Variants in MIX23 observed in about 807,000 individuals in gnomAD.
MIX23 encodes mitochondrial matrix import factor 23.
A neutral mutation model predicts 21.6 loss-of-function variants in MIX23; 13 were observed. The observed-to-expected ratio is 0.60, with a 90% CI of 0.39 to 0.96. The LOEUF (loss-of-function observed/expected upper bound fraction) is 0.96, where lower values mean the gene tolerates loss of function less well. Among genes scored for constraint, MIX23 ranks in the 40% least tolerant of loss-of-function variants. The pLI, the probability that MIX23 is intolerant of heterozygous loss-of-function variation, is 0.00. For synonymous variants in MIX23, 59 were observed against 58.0 expected (o/e 1.02, Z -0.08); for missense variants, 144 against 171.2 (o/e 0.84, Z 0.89).
intron 3 of MIX23, 63 bp downstream of exon 3, chr3:122,368,113 C>T (rs3749212): frequency 0.58 from 878,801 of 1,516,302 alleles, 256,785 homozygotes; most frequent in East Asian, 0.68. Flanking sequence ...TATTAAAAAT[C>T]TTACTTTGAA....
chr3:122,376,856 G>A (rs2075491439), intron 1 of MIX23, among the ~76,000 whole-genome samples: 1 of 152,080 alleles, frequency 6.6e-6, no homozygotes, highest in Non-Finnish European at 1.5e-5. Flanking sequence ...ATTACCTGTT[G>A]GGTACTATGT....
At chr3:122,380,523 C>T (rs1219134163) in intron 1 of MIX23, among the ~76,000 whole-genome samples, 3 of 152,118 alleles carry the variant, frequency 2.0e-5, no homozygotes, top group African/African-American at 7.2e-5. Context: ...ACTTATGTGT[C>T]AATGAATATT....
intron 1 of MIX23, among the ~76,000 whole-genome samples, chr3:122,379,552 T>C (rs985119159): frequency 2.0e-5 from 3 of 152,184 alleles, no homozygotes; most frequent in African/African-American, 7.2e-5. Context: ...GGATCATCCA[T>C]AAGGAATTAC....
chr3:122,359,976 G>T, intron 4 of MIX23, 57 bp from the exon 5 acceptor site: 1 of 1,494,286 alleles, frequency 6.7e-7, no homozygotes, highest in Non-Finnish European at 9.1e-7. Context: ...AATCAGGCCT[G>T]GAACTAAATT....
intron 2 of MIX23, among the ~76,000 whole-genome samples, chr3:122,368,641 C>G (rs547860964): frequency 1.3e-5 from 2 of 152,218 alleles, no homozygotes; most frequent in Non-Finnish European, 2.9e-5. Flanking sequence ...CCCTACACCA[C>G]TGACTTTCCC....
chr3:122,371,939 C>T (rs1352658658), intron 1 of MIX23, 139 bp from the exon 2 acceptor site: 1 of 660,906 alleles, frequency 1.5e-6, no homozygotes, highest in Non-Finnish European at 2.5e-6. Context: ...CAAATACATG[C>T]AACCATAAGA....
intron 1 of MIX23, among the ~76,000 whole-genome samples, chr3:122,375,996 T>C (rs1034863082): frequency 6.6e-6 from 1 of 151,894 alleles, no homozygotes; most frequent in African/African-American, 2.4e-5. Context: ...ACCCCATCTC[T>C]ACTAAAAATA....
At chr3:122,360,600 A>G (rs997179779) in intron 4 of MIX23, among the ~76,000 whole-genome samples, 1 of 152,140 alleles carries the variant, frequency 6.6e-6, no homozygotes, top group Non-Finnish European at 1.5e-5. Flanking sequence ...AAATTTTTAA[A>G]ACATTTTTAA....
chr3:122,364,838 C>T lies in MIX23; in HGVS notation c.325-1811G>A, dbSNP rs569821663. Among the ~76,000 whole-genome samples, 24 of 152,192 alleles carry T rather than the reference C, an allele frequency of 1.6e-4. 2 individuals carry two copies. The South Asian group carries it at 3.3e-3, about 21-fold the overall frequency. On this transcript the variant is annotated intron_variant, in intron 3 of 4. Coordinates refer to ENST00000291458, the MANE Select transcript of MIX23 (RefSeq NM_001017928.4). ...CTCTTACTTACATCCTTGAATCCTC[C>T]CCGCACATGCCCCCCAGAAATAAGA... is the stretch of plus-strand genomic sequence containing the variant.
At chr3:122,375,817 C>T (rs2058885884) in intron 1 of MIX23, among the ~76,000 whole-genome samples, 1 of 152,074 alleles carries the variant, frequency 6.6e-6, no homozygotes, top group African/African-American at 2.4e-5. Context: ...ACAGAACTAC[C>T]ATTTGACCCA....
chr3:122,373,132 C>A, intron 1 of MIX23: 1 of 323,662 alleles, frequency 3.1e-6, no homozygotes, highest in South Asian at 2.8e-5. Context: ...CCATTATCAA[C>A]ATTTTAATAT....
chr3:122,371,514 T>C (rs180852586), intron 2 of MIX23, among the ~76,000 whole-genome samples, 161 bp downstream of exon 2: 210 of 152,362 alleles, frequency 1.4e-3, no homozygotes, highest in African/African-American at 5.0e-3. Context: ...ACATTTTCTT[T>C]AATGTGTAGT....
At chr3:122,375,369 C>T (rs2075476962) in intron 1 of MIX23, among the ~76,000 whole-genome samples, 1 of 152,114 alleles carries the variant, frequency 6.6e-6, no homozygotes, top group Admixed American at 6.5e-5. Flanking sequence ...GTAGGAACAT[C>T]AAGAGTTGTA....
At chr3:122,376,803 G>T (rs981049815) in intron 1 of MIX23, among the ~76,000 whole-genome samples, 1 of 152,166 alleles carries the variant, frequency 6.6e-6, no homozygotes, top group Non-Finnish European at 1.5e-5. Flanking sequence ...AGACATTGGG[G>T]ACTCCAAAGG....
At chr3:122,371,995 A>G (rs535957974) in intron 1 of MIX23, among the ~76,000 whole-genome samples, 195 bp from the exon 2 acceptor site, 2 of 152,290 alleles carry the variant, frequency 1.3e-5, no homozygotes, top group East Asian at 3.9e-4. Flanking sequence ...TAATCCTAAC[A>G]GTGGGCACCA....
chr3:122,376,714 GA>G (rs1454494802), intron 1 of MIX23, among the ~76,000 whole-genome samples: 1 of 152,100 alleles, frequency 6.6e-6, no homozygotes, highest in Admixed American at 6.5e-5. Flanking sequence ...ACTCAAAACA[GA>G]AAATCAAATA....
chr3:122,370,379 C>T (rs2075431594), intron 2 of MIX23, among the ~76,000 whole-genome samples: 1 of 148,906 alleles, frequency 6.7e-6, no homozygotes. Flanking sequence ...ATCATTTGAA[C>T]CCAGGAGGTG....
rs1164237284 is a variant in MIX23 at position 122,363,027 on chromosome 3, A to G, written c.325T>C (p.Leu109=). Residue 109 remains leucine (L), a splice_region_variant and synonymous_variant, in exon 4 of 5, where the codon TTG becomes CTG. Coordinates refer to ENST00000291458, the MANE Select transcript of MIX23 (RefSeq NM_001017928.4). The part of the protein sequence containing the change: ...LKQLRKEQTK[L]KWMQSELNVE... Reference sequence around the variant, plus strand: ...TTCAGTTCTGACTGCATCCATTTCAACTGCAAGAAAAAAAAAAATTGAAGT... The same window carrying G: ...TTCAGTTCTGACTGCATCCATTTCAGCTGCAAGAAAAAAAAAAATTGAAGT... 1 of 1,605,098 alleles carries G rather than the reference A, an allele frequency of 6.2e-7. No individual in the cohort carries two copies. The highest frequency in any genetic ancestry group is 8.5e-7 in the Non-Finnish European group (1 of 1,176,382).
At chr3:122,381,554 C>T (rs1170046307) in intron 1 of MIX23, among the ~76,000 whole-genome samples, 1 of 151,826 alleles carries the variant, frequency 6.6e-6, no homozygotes, top group Non-Finnish European at 1.5e-5. Flanking sequence ...ATGGTGAAAC[C>T]CCATCTCTAC....
Sources: allele counts gnomAD v4.1 joint callset (sites outside exome capture counted in the v4.1 genomes callset), GRCh38; gene constraint gnomAD v4.1.1; transcripts MANE v1.5; gene names NCBI Gene and HGNC (gene_info 2026-07-23, HGNC 2026-07-21).